Variants in LAP3 observed in about 807,000 individuals in gnomAD.
LAP3 encodes the protein cytosol aminopeptidase.
A neutral mutation model predicts 58.8 loss-of-function variants in LAP3; 46 were observed. The ratio of observed to expected loss-of-function variants is 0.78; its 90% CI spans 0.62 to 1.00. The LOEUF (loss-of-function observed/expected upper bound fraction) is 1.00. Ranked by LOEUF, LAP3 falls within the 50% of genes least tolerant of loss-of-function variation. The pLI is 0.00. For missense variants in LAP3, 615 were observed against 659.1 expected (o/e 0.93, Z 0.73); for synonymous variants, 257 against 237.7 (o/e 1.08, Z -0.75).
At chr4:17,581,722 A>C (rs1314270149) in intron 2 of LAP3, 38 bp from the exon 3 acceptor site, 1 of 1,580,000 alleles carries the variant, frequency 6.3e-7, no homozygotes, top group Non-Finnish European at 8.7e-7. Flanking sequence ...AACCGAGCAA[A>C]ATACTTGTTT....
chr4:17,579,235 G>T (rs1713287757), intron 1 of LAP3, among the ~76,000 whole-genome samples: 1 of 152,210 alleles, frequency 6.6e-6, no homozygotes, highest in African/African-American at 2.4e-5. Flanking sequence ...ACTAACAGAA[G>T]ATAAGGGTGA....
chr4:17,607,090 G>C, intron 12 of LAP3, 152 bp downstream of exon 12: 1 of 580,950 alleles, frequency 1.7e-6, no homozygotes, highest in Non-Finnish European at 2.9e-6. Context: ...GAATTTTCAA[G>C]TATTTCTTCA....
chr4:17,582,391 C>T lies in LAP3; in HGVS notation c.377C>T (p.Ala126Val). The T allele has an allele frequency of 1.2e-6, 2 of 1,608,200 alleles. No homozygotes were observed. The highest frequency in any genetic ancestry group is 1.1e-5 in the South Asian group (1 of 90,380). Residue 126 changes from alanine to valine, a missense_variant and splice_region_variant, in exon 4 of 13, where the codon GCA becomes GTA. Physicochemically the swap from Ala to Val is moderately conservative, Grantham distance 64. Transcript: ENST00000226299. The stretch of plus-strand genomic sequence containing the variant: ...AAAGAAAACATCAGAGCTGCTGTTG[C>T]AGGTTATTTCACTTTTTAAGTTTAA... The part of the protein sequence containing the change: ...EGKENIRAAV[A>V]AGCRQIQDLE...
Position 17,596,633 on chromosome 4 carries a change from C to T in LAP3, c.989-413C>T, listed in dbSNP as rs535547287. 2.0e-5 allele frequency among the ~76,000 whole-genome samples: 3 copies of T among 152,348 alleles called. No homozygotes were observed. The South Asian group carries it at 6.2e-4, about 32-fold the overall frequency. ...GGATTACAGGCATGAGCCACCGCGC[C>T]TGGCCTATATTTAGCTTTTAAATCC... is the stretch of plus-strand genomic sequence containing the variant. On this transcript the variant is annotated intron_variant, in intron 8 of 12. Coordinates refer to ENST00000226299, the MANE Select transcript of LAP3 (RefSeq NM_015907.3).
intron 7 of LAP3, among the ~76,000 whole-genome samples, chr4:17,590,567 T>C (rs1560344767): frequency 6.6e-6 from 1 of 152,176 alleles, no homozygotes; most frequent in Admixed American, 6.5e-5. Flanking sequence ...AAAGTGTCTA[T>C]TATTTTATTT....
In LAP3 at chr4:17,577,227, G is replaced by T; in HGVS notation, c.-239G>T. On this transcript the variant is annotated 5_prime_UTR_variant, in exon 1 of 13. Transcript: ENST00000226299. ...ACGAATGCGGGCGCACACGAATGCG[G>T]GCGCACACGAATGCGGGCGCACCCT... is the stretch of plus-strand genomic sequence containing the variant. 2.7e-6 allele frequency: 1 copy of T among 368,804 alleles called. No homozygotes were observed. Among genetic ancestry groups the T allele is most frequent in the Non-Finnish European group, 4.8e-6 (1 of 206,816 alleles). 22.8% of individuals were successfully genotyped at this position (368,804 alleles called of 1,614,324 possible). A position where few individuals can be genotyped will look rare whatever the true frequency, so the allele number is the denominator to read the frequency against.
intron 6 of LAP3, among the ~76,000 whole-genome samples, chr4:17,586,500 A>G (rs1713518589): frequency 6.6e-6 from 1 of 152,244 alleles, no homozygotes; most frequent in Non-Finnish European, 1.5e-5. Flanking sequence ...TGGTCACCAA[A>G]TAGTGGTTAT....
intron 10 of LAP3, among the ~76,000 whole-genome samples, chr4:17,603,090 G>A (rs570829822): frequency 5.9e-5 from 9 of 151,608 alleles, no homozygotes; most frequent in Middle Eastern, 3.4e-3. Context: ...GGTGGATCAC[G>A]AGGTCAGGAG....
chr4:17,584,923 A>G, intron 5 of LAP3, 49 bp from the exon 6 acceptor site: 1 of 1,577,784 alleles, frequency 6.3e-7, no homozygotes, highest in Non-Finnish European at 8.7e-7. Flanking sequence ...GCAGGCAGTC[A>G]GCGTTCTTGA....
intron 6 of LAP3, chr4:17,586,007 TGAA>T (rs1713504501): frequency 6.6e-6 from 1 of 152,246 alleles, no homozygotes; most frequent in African/African-American, 2.4e-5. Flanking sequence ...TGGACACAAA[TGAA>T]GAACACAGCA....
chr4:17,579,511 T>C (rs1270477788), intron 1 of LAP3, among the ~76,000 whole-genome samples: 1 of 152,216 alleles, frequency 6.6e-6, no homozygotes, highest in Non-Finnish European at 1.5e-5. Flanking sequence ...TGGTGACAAA[T>C]AGATTTTTCT....
chr4:17,591,419 G>A (rs1713688031), intron 7 of LAP3, among the ~76,000 whole-genome samples: 1 of 152,112 alleles, frequency 6.6e-6, no homozygotes, highest in African/African-American at 2.4e-5. Context: ...GGGATTACCG[G>A]TGTGAGCCAC....
intron 7 of LAP3, among the ~76,000 whole-genome samples, chr4:17,594,501 G>C (rs1713778683): frequency 6.6e-6 from 1 of 152,198 alleles, no homozygotes; most frequent in South Asian, 2.1e-4. Context: ...ATCTCAATTA[G>C]AACTTAGAGT....
Position 17,583,028 on chromosome 4 carries a change from T to G in LAP3, c.380-455T>G, listed in dbSNP as rs559051150. The stretch of plus-strand genomic sequence containing the variant: ...CATTGAAGTGGTTATTTAATAACTT[T>G]TGAGAGTTTTTGCTGACCTGATCTT... On this transcript the variant is annotated intron_variant, in intron 4 of 12. Transcript: ENST00000226299. Among the ~76,000 whole-genome samples, 9 of 152,390 alleles carry G rather than the reference T, an allele frequency of 5.9e-5. No individual in the cohort carries two copies. In the East Asian group the frequency reaches 1.7e-3, roughly 29 times the overall value.
chr4:17,604,686 T>G lies in LAP3; in HGVS notation c.1260+19T>G. The G allele has an allele frequency of 6.5e-7, 1 of 1,531,932 alleles. No homozygotes were observed. The highest frequency in any genetic ancestry group is 9.1e-7 in the Non-Finnish European group (1 of 1,104,970). The allele number at this position is 1,531,932 out of a possible 1,614,324, so 94.9% of individuals were successfully genotyped here. ...CTTCGAGGTAGGAATAATATTTGTA[T>G]ATCTAAATTGTAGAGATGGTGAATA... On this transcript the variant is annotated intron_variant, in intron 11 of 12. Coordinates refer to ENST00000226299, the MANE Select transcript of LAP3 (RefSeq NM_015907.3).
At chr4:17,592,691 T>C (rs1446476152) in intron 7 of LAP3, among the ~76,000 whole-genome samples, 1 of 152,250 alleles carries the variant, frequency 6.6e-6, no homozygotes, top group Non-Finnish European at 1.5e-5. Flanking sequence ...ATTCTAATTG[T>C]TCTACACCTT....
intron 8 of LAP3, among the ~76,000 whole-genome samples, chr4:17,596,309 C>T (rs1357258319): frequency 6.6e-6 from 1 of 151,878 alleles, no homozygotes; most frequent in Non-Finnish European, 1.5e-5. Context: ...AAAAAATGTC[C>T]ATTTTATTTA....
chr4:17,595,417 A>C lies in LAP3; in HGVS notation c.871A>C (p.Ile291Leu), dbSNP rs1047639359. ...TTGTCCATTTCCCCATAGTGGTGGT[A>C]TCTCCATCAAGGCTTCTGCAAATAT... The part of the protein sequence containing the change: ...GKGITFDSGG[I>L]SIKASANMDL... The change falls in exon 8 of 13, where the codon ATC becomes CTC. Residue 291 changes from isoleucine (I) to leucine (L), a missense_variant. Transcript: ENST00000226299. 1 of 1,613,720 alleles carries C rather than the reference A, an allele frequency of 6.2e-7. No homozygotes were observed. The highest frequency in any genetic ancestry group is 1.3e-5 in the African/African-American group (1 of 74,912).
intron 3 of LAP3, 52 bp from the exon 4 acceptor site, chr4:17,582,236 A>G: frequency 6.9e-7 from 1 of 1,441,516 alleles, no homozygotes; most frequent in Middle Eastern, 2.2e-4. Context: ...CCTTGCTGGA[A>G]ATGAATGCTT....
Sources: allele counts gnomAD v4.1 joint callset (sites outside exome capture counted in the v4.1 genomes callset), GRCh38; gene constraint gnomAD v4.1.1; transcripts MANE v1.5; gene names NCBI Gene and HGNC (gene_info 2026-07-23, HGNC 2026-07-21).